Variants in BRPF3 observed in about 807,000 individuals in gnomAD.
BRPF3 encodes bromodomain and PHD finger-containing protein 3.
In BRPF3, 18 loss-of-function variants were observed where a neutral mutation model predicts 102.0. The observed-to-expected ratio is 0.18, with a 90% CI of 0.12 to 0.26. BRPF3 has a LOEUF of 0.26. Ranked by LOEUF, BRPF3 falls within the 10% of genes least tolerant of loss-of-function variation. BRPF3 has a pLI of 1.00. For synonymous variants in BRPF3, 570 were observed against 614.2 expected (o/e 0.93, Z 1.06); for missense variants, 1,147 against 1,567.8 (o/e 0.73, Z 4.53).
chr6:36,203,966 C>CATTA (rs1373919553), intron 2 of BRPF3, among the ~76,000 whole-genome samples: 1 of 152,202 alleles, frequency 6.6e-6, no homozygotes, highest in African/African-American at 2.4e-5. Flanking sequence ...TATAGGCTTG[C>CATTA]ATTAGTTCCT....
chr6:36,204,333 A>G (rs910824652), intron 2 of BRPF3: 4 of 316,182 alleles, frequency 1.3e-5, no homozygotes, highest in Non-Finnish European at 2.4e-5. Flanking sequence ...GGCTGGGGGT[A>G]TTGAGGCATA....
Position 36,210,327 on chromosome 6 carries a change from C to T in BRPF3, c.1978C>T (p.Leu660Phe). The T allele has an allele frequency of 1.2e-6, 2 of 1,614,232 alleles. No individual in the cohort carries two copies. Among genetic ancestry groups the T allele is most frequent in the Non-Finnish European group, 8.5e-7 (1 of 1,180,052 alleles). Residue 660 changes from leucine (L) to phenylalanine (F), a missense_variant, in exon 6 of 13, where the codon CTT (leucine) becomes TTT (phenylalanine). Leu to Phe is a conservative substitution (Grantham distance 22). Coordinates refer to ENST00000357641, the MANE Select transcript of BRPF3 (RefSeq NM_015695.3). The surrounding 1 kb of genome is among the most constrained non-coding windows in gnomAD (Gnocchi z 4.7). ...GGAGGAGTTTGAGGAGGACTTTAAC[C>T]TTATAGTTACCAACTGCATGAAGTA... ...TLEEFEEDFN[L>F]IVTNCMKYNA...
chr6:36,220,974 T>C (rs1016596991), intron 9 of BRPF3, among the ~76,000 whole-genome samples: 9 of 152,230 alleles, frequency 5.9e-5, no homozygotes, highest in African/African-American at 1.9e-4. Context: ...GCATTTCTGC[T>C]TTTCTGCAGA....
At position 36,197,289 on chromosome 6, in the gene BRPF3, G is replaced by A. The variant is rs548496566; in HGVS notation, c.-27+319G>A. On this transcript the variant is annotated intron_variant, in intron 1 of 12. Transcript: ENST00000357641. Reference sequence around the variant, plus strand: ...CAGACGAGAGTCCCGCCCCTTGAGCGGCCCTAGGTCCCCTGGGTCCCTCTG... The same window carrying A: ...CAGACGAGAGTCCCGCCCCTTGAGCAGCCCTAGGTCCCCTGGGTCCCTCTG... The A allele has an allele frequency of 2.9e-3, 444 of 151,720 alleles. 1 individual carries two copies. The highest frequency in any genetic ancestry group is 4.6e-3 in the Non-Finnish European group (310 of 68,000). 9.4% of individuals were successfully genotyped at this position (151,720 alleles called of 1,614,324 possible).
chr6:36,198,412 C>T (rs1767582228), intron 1 of BRPF3, among the ~76,000 whole-genome samples: 1 of 152,148 alleles, frequency 6.6e-6, no homozygotes, highest in Non-Finnish European at 1.5e-5. Context: ...TAGATTGCCC[C>T]AGAGCCTCGT....
chr6:36,206,646 A>T (rs968545557), intron 3 of BRPF3, among the ~76,000 whole-genome samples: 1 of 152,120 alleles, frequency 6.6e-6, no homozygotes, highest in African/African-American at 2.4e-5. Context: ...GACCTTCCTT[A>T]CTACTTTGCC....
chr6:36,213,880 A>G lies in BRPF3; in HGVS notation c.2483A>G (p.Asp828Gly). 1 of 1,580,526 alleles carries G rather than the reference A, an allele frequency of 6.3e-7. No individual in the cohort carries two copies. The highest frequency in any genetic ancestry group is 8.6e-7 in the Non-Finnish European group (1 of 1,165,378). ...AGCAGATTCTCTTTTTTTCTAATAG[A>G]TGACTCCAAACTGCCTCCTCCGCCA... Reference protein sequence around the residue: ...QEEPEDDGDRDDSKLPPPPTL... With the variant: ...QEEPEDDGDRGDSKLPPPPTL... The change falls in exon 8 of 13, where the codon GAT (aspartate) becomes GGT (glycine). Residue 828 changes from aspartate to glycine, a missense_variant and splice_region_variant. Around this residue, in one of 11 missense-constraint regions of BRPF3, gnomAD observed 379 missense variants for 426.3 expected, o/e 0.89. Transcript: ENST00000357641.
intron 9 of BRPF3, among the ~76,000 whole-genome samples, chr6:36,220,948 C>G (rs1474799624): frequency 6.6e-6 from 1 of 152,160 alleles, no homozygotes; most frequent in East Asian, 1.9e-4. Flanking sequence ...TCTTATCCCA[C>G]TAGGGGTTTC....
intron 8 of BRPF3, among the ~76,000 whole-genome samples, chr6:36,217,097 A>G (rs1326919260): frequency 2.6e-5 from 4 of 152,220 alleles, no homozygotes; most frequent in Non-Finnish European, 4.4e-5. Flanking sequence ...TCAAGGTCAT[A>G]TACCTGGGAT....
intron 8 of BRPF3, among the ~76,000 whole-genome samples, chr6:36,217,021 G>C (rs1049677377): frequency 3.9e-5 from 6 of 152,150 alleles, no homozygotes; most frequent in African/African-American, 1.4e-4. Flanking sequence ...CTGGGCAACA[G>C]AGCGAGACCC....
chr6:36,208,655 T>C (rs1242339374), intron 4 of BRPF3, among the ~76,000 whole-genome samples: 1 of 152,138 alleles, frequency 6.6e-6, no homozygotes, highest in African/African-American at 2.4e-5. Context: ...TCTTCAAGGG[T>C]TCAAAATGTC....
chr6:36,209,876 T>A lies in BRPF3; in HGVS notation c.1827T>A (p.Asp609Glu). The A allele has an allele frequency of 6.2e-7, 1 of 1,614,194 alleles. No individual in the cohort carries two copies. The highest frequency in any genetic ancestry group is 8.5e-7 in the Non-Finnish European group (1 of 1,180,018). The change falls in exon 5 of 13, where the codon GAT (aspartate) becomes GAA (glutamate). Residue 609 changes from aspartate (D) to glutamate (E), a missense_variant. Transcript: ENST00000357641. ...RTTLDLLQEK[D>E]PAHIFAEPVN... is the part of the protein sequence containing the mutation. ...CACTGGACCTGCTGCAGGAGAAGGA[T>A]CCTGCACACATCTTCGCAGAACCAG... is the stretch of plus-strand genomic sequence containing the variant.
intron 1 of BRPF3, among the ~76,000 whole-genome samples, chr6:36,198,084 C>T (rs533206960): frequency 2.6e-5 from 4 of 152,134 alleles, no homozygotes; most frequent in Non-Finnish European, 5.9e-5. Flanking sequence ...CCCCCAGGGA[C>T]TTGGCATTTG....
intron 6 of BRPF3, 136 bp from the exon 7 acceptor site, chr6:36,211,122 C>T: frequency 2.0e-6 from 2 of 1,013,018 alleles, no homozygotes; most frequent in Non-Finnish European, 2.9e-6. Flanking sequence ...GGGCCAAGGC[C>T]CACAGTGACG....
chr6:36,217,110 C>A (rs1023211572), intron 8 of BRPF3, among the ~76,000 whole-genome samples: 2 of 152,164 alleles, frequency 1.3e-5, no homozygotes, highest in African/African-American at 4.8e-5. Flanking sequence ...CCTGGGATGA[C>A]CAAACAGCCT....
chr6:36,212,866 T>C (rs1224513902), intron 7 of BRPF3, among the ~76,000 whole-genome samples: 2 of 151,192 alleles, frequency 1.3e-5, no homozygotes, highest in East Asian at 3.9e-4. Context: ...GGCAGGAGAA[T>C]GGCGTGAACC....
chr6:36,219,176 A>T (rs924932086), intron 9 of BRPF3, among the ~76,000 whole-genome samples: 1 of 152,174 alleles, frequency 6.6e-6, no homozygotes, highest in Non-Finnish European at 1.5e-5. Context: ...CTGTAGGACT[A>T]CTGGTAGGGC....
intron 3 of BRPF3, among the ~76,000 whole-genome samples, chr6:36,205,038 T>C (rs1185895907): frequency 6.6e-6 from 1 of 151,858 alleles, no homozygotes; most frequent in Non-Finnish European, 1.5e-5. Flanking sequence ...TAGGGGAGAG[T>C]GGAGAGCATG....
At chr6:36,224,762 C>G (rs1022357209) in intron 10 of BRPF3, among the ~76,000 whole-genome samples, 1 of 152,144 alleles carries the variant, frequency 6.6e-6, no homozygotes, top group Non-Finnish European at 1.5e-5. Context: ...GGAAAGCTGT[C>G]TTAGGGTTCT....
Sources: allele counts gnomAD v4.1 joint callset (sites outside exome capture counted in the v4.1 genomes callset), GRCh38; gene constraint gnomAD v4.1.1; regional missense constraint gnomAD v4.1.1; non-coding constraint Gnocchi (gnomAD v3.1); transcripts MANE v1.5; gene names NCBI Gene and HGNC (gene_info 2026-07-23, HGNC 2026-07-21).